TMED10: variants seen among roughly 807,000 people sequenced by gnomAD.
TMED10 encodes transmembrane p24 trafficking protein 10.
A neutral mutation model predicts 23.1 loss-of-function variants in TMED10; 7 were observed. The observed-to-expected ratio is 0.30, with a 90% CI of 0.17 to 0.57. The LOEUF (loss-of-function observed/expected upper bound fraction) is 0.57. Among genes scored for constraint, TMED10 ranks in the 20% least tolerant of loss-of-function variants. The pLI, the probability that TMED10 is intolerant of heterozygous loss-of-function variation, is 0.91. For missense variants in TMED10, 162 were observed against 274.8 expected, an observed-to-expected ratio of 0.59 and a Z score of 2.90; for synonymous variants, 113 against 106.9, an observed-to-expected ratio of 1.06 and a Z score of -0.35.
intron 3 of TMED10, among the ~76,000 whole-genome samples, chr14:75,146,908 CAGATAGATAGAT>C (rs35810783): frequency 6.7e-5 from 10 of 149,596 alleles, no homozygotes; most frequent in East Asian, 2.0e-4. Flanking sequence ...ATCCATGCCC[CAGATAGATAGAT>C]AGATAGATAG....
At chr14:75,153,700 C>T (rs565288345) in intron 1 of TMED10, among the ~76,000 whole-genome samples, 228 of 151,290 alleles carry the variant, frequency 1.5e-3, no homozygotes, top group African/African-American at 5.3e-3. Context: ...AAGTAGCACA[C>T]ATTTAAGCTT....
At chr14:75,170,829 AGGAGTAAC>A (rs1014745907) in intron 1 of TMED10, among the ~76,000 whole-genome samples, 7 of 152,232 alleles carry the variant, frequency 4.6e-5, no homozygotes, top group African/African-American at 1.4e-4. Flanking sequence ...TAAATATGGA[AGGAGTAAC>A]GGAATTAGAA....
At chr14:75,159,876 T>G (rs1008910895) in intron 1 of TMED10, among the ~76,000 whole-genome samples, 2 of 152,212 alleles carry the variant, frequency 1.3e-5, no homozygotes, top group African/African-American at 4.8e-5. Flanking sequence ...CCGAAGATTA[T>G]TAAAGACTCA....
At chr14:75,164,381 G>A (rs1444143052) in intron 1 of TMED10, among the ~76,000 whole-genome samples, 3 of 150,098 alleles carry the variant, frequency 2.0e-5, no homozygotes, top group South Asian at 4.2e-4. Flanking sequence ...ACAGGTGTGC[G>A]CCACCAGGCC....
intron 1 of TMED10, among the ~76,000 whole-genome samples, chr14:75,158,213 TA>T (rs1437529547): frequency 2.0e-4 from 30 of 152,206 alleles, no homozygotes; most frequent in Non-Finnish European, 4.0e-4. Flanking sequence ...ACCTTGAAGT[TA>T]GCATCAGCTA....
chr14:75,144,855 C>T (rs1037493602), intron 3 of TMED10, among the ~76,000 whole-genome samples: 1 of 152,142 alleles, frequency 6.6e-6, no homozygotes, highest in Non-Finnish European at 1.5e-5. Flanking sequence ...ATGGGGTTTT[C>T]GCCAGGTTGG....
chr14:75,176,422 A>G lies in TMED10; in HGVS notation c.158T>C (p.Leu53Pro). Residue 53 changes from leucine to proline, a missense_variant, in exon 1 of 5, where the codon CTA becomes CCA. This residue lies in a region of TMED10 where 126 missense variants were observed against 239.5 expected (regional missense o/e 0.53). Transcript: ENST00000303575. ...GGAGATCTCGTACGCGCCAGTCACTAGCAGGTCCTTGTGAATCTCCTCACG... is the reference window on the plus strand; with the variant it reads ...GGAGATCTCGTACGCGCCAGTCACTGGCAGGTCCTTGTGAATCTCCTCACG... ...CLREEIHKDL[L>P]VTGAYEISDQ... The G allele has an allele frequency of 6.2e-7, 1 of 1,614,222 alleles. No homozygotes were observed. The highest frequency in any genetic ancestry group is 8.5e-7 in the Non-Finnish European group (1 of 1,180,030).
intron 1 of TMED10, among the ~76,000 whole-genome samples, chr14:75,173,677 G>C (rs995328909): frequency 3.9e-5 from 6 of 152,162 alleles, no homozygotes; most frequent in African/African-American, 1.4e-4. Context: ...GAGCAACTGA[G>C]TGATAGTAAA....
chr14:75,138,431 T>C lies in TMED10; in HGVS notation c.412-2545A>G, dbSNP rs866509609. ...TCTGGGTGTAAGATTTAACCAATAG[T>C]TAATGCACAGAGCTAACTTTCCTAA... On this transcript the variant is annotated intron_variant, in intron 3 of 4. Coordinates refer to ENST00000303575, the MANE Select transcript of TMED10 (RefSeq NM_006827.6). Among the ~76,000 whole-genome samples the C allele has an allele frequency of 1.4e-4, 22 of 152,344 alleles. No homozygotes were observed. The South Asian group carries it at 4.1e-3, about 29-fold the overall frequency.
rs1403961918 is a variant in TMED10, at chr14:75,133,389, T to C, written c.*1496A>G. The C allele has an allele frequency of 1.3e-5, 2 of 152,190 alleles. No homozygotes were observed. Among genetic ancestry groups the C allele is most frequent in the African/African-American group, 4.8e-5 (2 of 41,438 alleles). 9.4% of individuals were successfully genotyped at this position (152,190 alleles called of 1,614,324 possible). A position where few individuals can be genotyped will look rare whatever the true frequency, so the allele number is the denominator to read the frequency against. On this transcript the variant is annotated 3_prime_UTR_variant, in exon 5 of 5. Transcript: ENST00000303575. ...GATGGCAAATTAGCACACAAAAAGA[T>C]ACTCAACATCATTAGCCATTGGAAA...
chr14:75,144,608 G>A (rs909594906), intron 3 of TMED10, among the ~76,000 whole-genome samples: 1 of 152,168 alleles, frequency 6.6e-6, no homozygotes, highest in African/African-American at 2.4e-5. Context: ...TCAGAATTAT[G>A]AGTCCACAGA....
Position 75,134,766 on chromosome 14 carries a change from TG to T in TMED10, c.*118del. The T allele has an allele frequency of 7.2e-7, 1 of 1,398,596 alleles. No homozygotes were observed. The highest frequency in any genetic ancestry group is 9.9e-7 in the Non-Finnish European group (1 of 1,010,694). 86.6% of individuals were successfully genotyped at this position (1,398,596 alleles called of 1,614,324 possible). On this transcript the variant is annotated 3_prime_UTR_variant, in exon 5 of 5. Transcript: ENST00000303575. The stretch of plus-strand genomic sequence containing the variant: ...CTCCCACACCAAAAGAGATCAGTTC[TG>T]GCAAGAAAGCTCCAACGTGCCTTGA...
In TMED10 at chr14:75,176,200, G is replaced by A. The variant is rs750808829; in HGVS notation, c.225+155C>T. On this transcript the variant is annotated intron_variant, in intron 1 of 4. Coordinates refer to ENST00000303575, the MANE Select transcript of TMED10 (RefSeq NM_006827.6). ...CCCCGCCCCGCGACAGGCAACCAGC[G>A]GGGTGAGGGGGCGGGCTCCACCGCA... 2.5e-5 allele frequency: 22 copies of A among 879,220 alleles called. No homozygotes were observed. The Admixed American group carries it at 6.0e-4, about 24-fold the overall frequency. 54.5% of individuals were successfully genotyped at this position (879,220 alleles called of 1,614,324 possible). A position where few individuals can be genotyped will look rare whatever the true frequency, so the allele number is the denominator to read the frequency against.
chr14:75,166,939 CTTT>C (rs35308116), intron 1 of TMED10, among the ~76,000 whole-genome samples: 9 of 114,550 alleles, frequency 7.9e-5, no homozygotes, highest in Non-Finnish European at 5.4e-5. Context: ...CATCCTATTC[CTTT>C]TTTTTTTTTT....
At chr14:75,147,188 T>TTTTTTTTGTTTTTG (rs1895896095) in intron 3 of TMED10, among the ~76,000 whole-genome samples, 2 of 5,936 alleles carry the variant, frequency 3.4e-4, no homozygotes, top group African/African-American at 4.5e-4. Flanking sequence ...CAAGGCTGTT[T>TTTTTTTTGTTTTTG]TTTTTTTTTT....
At chr14:75,141,875 A>G (rs1005085277) in intron 3 of TMED10, among the ~76,000 whole-genome samples, 1 of 152,228 alleles carries the variant, frequency 6.6e-6, no homozygotes, top group Admixed American at 6.5e-5. Flanking sequence ...AGGGCAACAG[A>G]GTAAAATTTT....
Position 75,164,550 on chromosome 14 carries a change from TATATATATATATATATATATATA to T in TMED10, c.225+11782_225+11804del, listed in dbSNP as rs1566675125. ...CTGGCCTAATATATATATATATATATATATATATATATATATATATATATATATTTTTTTTTTTTTTTTTGTAT... is the reference window on the plus strand; with the variant it reads ...CTGGCCTAATATATATATATATATATTATATTTTTTTTTTTTTTTTTGTAT... On this transcript the variant is annotated intron_variant, in intron 1 of 4. Transcript: ENST00000303575. Among the ~76,000 whole-genome samples, 39 of 20,448 alleles carry T rather than the reference TATATATATATATATATATATATA, an allele frequency of 1.9e-3. 6 individuals are homozygous for T. The East Asian group carries it at 0.032, about 17-fold the overall frequency. 13.4% of individuals were successfully genotyped at this position (20,448 alleles called of 152,430 possible). A position where few individuals can be genotyped will look rare whatever the true frequency, so the allele number is the denominator to read the frequency against.
intron 3 of TMED10, chr14:75,139,214 T>C (rs1382988236): frequency 4.6e-6 from 2 of 438,758 alleles, no homozygotes; most frequent in Non-Finnish European, 9.1e-6. Context: ...ACTTAAAATC[T>C]ATTTATAAAT....
intron 3 of TMED10, among the ~76,000 whole-genome samples, chr14:75,143,786 T>C (rs535882333): frequency 2.6e-3 from 394 of 152,066 alleles, no homozygotes; most frequent in Non-Finnish European, 4.3e-3. Flanking sequence ...ATACAAAAAT[T>C]AGCTGGGTGT....
Sources: gnomAD v4.1 joint callset for allele counts (sites outside exome capture counted in the v4.1 genomes callset) on GRCh38, gnomAD v4.1.1 for gene constraint, gnomAD v4.1.1 regional missense constraint, MANE v1.5 for transcripts, NCBI Gene and HGNC (gene_info 2026-07-23, HGNC 2026-07-21) for gene names.